The following LOC128462377 variants were observed in gnomAD, a reference collection of about 807,000 sequenced individuals.
the LOC128462377 span, among the ~76,000 whole-genome samples, chr16:89,371,348 G>C: frequency 6.6e-6 from 1 of 152,238 alleles, no homozygotes; most frequent in African/African-American, 2.4e-5. Context: ...AGCACCGCCA[G>C]TGTCCATTCT....
chr16:89,385,093 C>T, the LOC128462377 span, among the ~76,000 whole-genome samples: 8 of 151,974 alleles, frequency 5.3e-5, no homozygotes, highest in East Asian at 1.4e-3. Flanking sequence ...ACCATGTTGG[C>T]CAGGCTGGTC....
the LOC128462377 span, among the ~76,000 whole-genome samples, chr16:89,378,966 T>A: frequency 6.6e-6 from 1 of 152,010 alleles, no homozygotes; most frequent in Non-Finnish European, 1.5e-5. Context: ...CCTTTTTGGG[T>A]CAAGGTTCTG....
the LOC128462377 span, among the ~76,000 whole-genome samples, chr16:89,397,774 A>T: frequency 6.6e-6 from 1 of 152,230 alleles, no homozygotes; most frequent in African/African-American, 2.4e-5. Context: ...TTGACAGGCA[A>T]GGGACTGGAG....
the LOC128462377 span, among the ~76,000 whole-genome samples, chr16:89,405,974 G>T: frequency 1.3e-5 from 2 of 152,100 alleles, no homozygotes; most frequent in Non-Finnish European, 2.9e-5. Context: ...ACCGGGCGTG[G>T]TGGCACACAC....
At chr16:89,335,859 G>A in the LOC128462377 span, among the ~76,000 whole-genome samples, 34 of 152,170 alleles carry the variant, frequency 2.2e-4, no homozygotes, top group African/African-American at 8.2e-4. Flanking sequence ...TGCTTCTAAA[G>A]GGCTAGGAGA....
chr16:89,389,402 A>G, the LOC128462377 span, among the ~76,000 whole-genome samples: 2 of 152,180 alleles, frequency 1.3e-5, no homozygotes, highest in Admixed American at 1.3e-4. Context: ...GTAAATAAGA[A>G]AATATGATTA....
At chr16:89,387,139 T>A in the LOC128462377 span, among the ~76,000 whole-genome samples, 3 of 151,268 alleles carry the variant, frequency 2.0e-5, no homozygotes, top group South Asian at 6.3e-4. Context: ...GAGAGGTAGG[T>A]CACACAGCCA....
At chr16:89,399,686 G>A in the LOC128462377 span, among the ~76,000 whole-genome samples, 567 of 152,306 alleles carry the variant, frequency 3.7e-3, 11 homozygotes, top group Admixed American at 0.028. Context: ...TCTCCAGGGC[G>A]GTCGCGACTA....
the LOC128462377 span, among the ~76,000 whole-genome samples, chr16:89,353,896 A>G: frequency 6.6e-6 from 1 of 152,200 alleles, no homozygotes; most frequent in Non-Finnish European, 1.5e-5. Flanking sequence ...GCAGCCTCTC[A>G]TGCAGGGAGC....
chr16:89,323,803 C>T, the LOC128462377 span: 1 of 244,842 alleles, frequency 4.1e-6, no homozygotes, highest in South Asian at 4.6e-5. Context: ...TCCTCAGGGC[C>T]ACACCAACTG....
At chr16:89,324,177 C>T in the LOC128462377 span, 15 of 1,145,878 alleles carry the variant, frequency 1.3e-5, no homozygotes, top group Non-Finnish European at 1.5e-5. Flanking sequence ...GTTATCACGG[C>T]GGGGGGTGGC....
chr16:89,415,850 A>AAAAAAAAAAAAC, the LOC128462377 span, among the ~76,000 whole-genome samples: 1 of 147,384 alleles, frequency 6.8e-6, no homozygotes, highest in African/African-American at 2.5e-5. Flanking sequence ...AAAAAAAAAA[A>AAAAAAAAAAAAC]CAATGGAGAA....
chr16:89,404,086 C>T, the LOC128462377 span, among the ~76,000 whole-genome samples: 1 of 152,226 alleles, frequency 6.6e-6, no homozygotes. Flanking sequence ...CGCTGCATCA[C>T]ATAAGCTGCT....
At chr16:89,340,317 G>A in the LOC128462377 span, among the ~76,000 whole-genome samples, 3 of 152,184 alleles carry the variant, frequency 2.0e-5, no homozygotes, top group African/African-American at 4.8e-5. Context: ...TCGCTCTGTC[G>A]CCCAGGCTGA....
the LOC128462377 span, among the ~76,000 whole-genome samples, chr16:89,418,084 CATTCATTAATCCAA>C: frequency 6.6e-6 from 1 of 152,190 alleles, no homozygotes; most frequent in Non-Finnish European, 1.5e-5. Flanking sequence ...CCAAGGATCC[CATTCATTAATCCAA>C]AAATGCTTAC....
chr16:89,372,995 C>G, the LOC128462377 span: 1 of 152,246 alleles, frequency 6.6e-6, no homozygotes, highest in African/African-American at 2.4e-5. Context: ...GAGGAAGGCA[C>G]AGCACCCACA....
chr16:89,363,474 A>C, the LOC128462377 span, among the ~76,000 whole-genome samples: 1 of 104,436 alleles, frequency 9.6e-6, no homozygotes, highest in African/African-American at 3.8e-5. Context: ...TATAATAATA[A>C]TAAAATTAAA....
At chr16:89,403,550 TA>T in the LOC128462377 span, 45 of 145,464 alleles carry the variant, frequency 3.1e-4, no homozygotes, top group Non-Finnish European at 3.3e-4. Context: ...GACAGTAGCT[TA>T]AAAAAAAAAA....
At chr16:89,414,099 CG>C in the LOC128462377 span, among the ~76,000 whole-genome samples, 1 of 152,210 alleles carries the variant, frequency 6.6e-6, no homozygotes, top group Non-Finnish European at 1.5e-5. Context: ...ACTGCGCACT[CG>C]GGGACACTGA....
Sources: gnomAD v4.1 joint callset for allele counts (sites outside exome capture counted in the v4.1 genomes callset) on GRCh38, gnomAD v4.1.1 for gene constraint, MANE v1.5 for transcripts.